Variants in TGFBR1 observed in about 807,000 individuals in gnomAD.
The protein encoded by TGFBR1 is transforming growth factor beta receptor 1, also known as TGF-beta receptor type-1.
TGFBR1 carries 20 observed loss-of-function variants against 55.1 expected under a neutral mutation model. The ratio of observed to expected loss-of-function variants is 0.36; its 90% CI spans 0.26 to 0.53. The LOEUF (loss-of-function observed/expected upper bound fraction) is 0.53. Ranked by LOEUF, TGFBR1 falls within the 20% of genes least tolerant of loss-of-function variation. TGFBR1 has a pLI of 0.91. For missense variants in TGFBR1, 385 were observed against 617.6 expected, an observed-to-expected ratio of 0.62 and a Z score of 3.99; for synonymous variants, 220 against 214.8, an observed-to-expected ratio of 1.02 and a Z score of -0.21.
intron 6 of TGFBR1, among the ~76,000 whole-genome samples, chr9:99,146,232 T>C (rs1022308095): frequency 6.6e-6 from 1 of 152,202 alleles, no homozygotes. Flanking sequence ...ACAATTGTTA[T>C]GTATGTCTTT....
Position 99,149,280 on chromosome 9 carries a change from G to A in TGFBR1, c.1487G>A (p.Ser496Asn), listed in dbSNP as rs764733540. ...LRIKKTLSQL[S>N]QQEGIKM is the part of the protein sequence containing the mutation. ...ATTAAGAAAACATTATCGCAACTCAGTCAACAGGAAGGCATCAAAATGTAA... is the reference window on the plus strand; with the variant it reads ...ATTAAGAAAACATTATCGCAACTCAATCAACAGGAAGGCATCAAAATGTAA... Residue 496 changes from serine to asparagine, a missense_variant, in exon 9 of 9, where the codon AGT becomes AAT. Physicochemically the swap from Ser to Asn is conservative, Grantham distance 46 (BLOSUM62 1). This residue lies in a region of TGFBR1 where 110 missense variants were observed against 154.6 expected (regional missense o/e 0.71). Transcript: ENST00000374994. 6.2e-7 allele frequency: 1 copy of A among 1,613,746 alleles called. No homozygotes were observed. The highest frequency in any genetic ancestry group is 1.3e-5 in the African/African-American group (1 of 74,890).
At chr9:99,134,829 TA>T (rs1827378191) in intron 3 of TGFBR1, among the ~76,000 whole-genome samples, 1 of 112,548 alleles carries the variant, frequency 8.9e-6, no homozygotes, top group Non-Finnish European at 1.9e-5. Context: ...TATATATATA[TA>T]TATATATATA....
chr9:99,147,573 AG>A, intron 7 of TGFBR1, 80 bp from the exon 8 acceptor site: 1 of 1,295,492 alleles, frequency 7.7e-7, no homozygotes, highest in Non-Finnish European at 1.1e-6. Flanking sequence ...ACACTGTAAT[AG>A]GTCTCTCAGG....
chr9:99,148,597 C>T (rs1294747596), intron 8 of TGFBR1, among the ~76,000 whole-genome samples: 1 of 152,136 alleles, frequency 6.6e-6, no homozygotes, highest in Non-Finnish European at 1.5e-5. Context: ...TTGCTACCTC[C>T]AACAAAATCA....
intron 1 of TGFBR1, among the ~76,000 whole-genome samples, chr9:99,126,184 A>G (rs1827035458): frequency 6.6e-6 from 1 of 152,230 alleles, no homozygotes; most frequent in Non-Finnish European, 1.5e-5. Flanking sequence ...CATGAAAGAC[A>G]TTATTATTAT....
Position 99,149,351 on chromosome 9 carries a change from C to T in TGFBR1, c.*46C>T, listed in dbSNP as rs192327847. Reference sequence around the variant, plus strand: ...TCTCCTTTTTTCTTCAGATCTGCTCCTGGGTTTTAATTTGGGAGGTCAATT... The same window carrying T: ...TCTCCTTTTTTCTTCAGATCTGCTCTTGGGTTTTAATTTGGGAGGTCAATT... On this transcript the variant is annotated 3_prime_UTR_variant, in exon 9 of 9. Coordinates refer to ENST00000374994, the MANE Select transcript of TGFBR1 (RefSeq NM_004612.4). 3.1e-5 allele frequency: 50 copies of T among 1,611,602 alleles called. No homozygotes were observed. In the East Asian group the frequency reaches 1.1e-3, roughly 36 times the overall value.
At position 99,128,885 on chromosome 9, in the gene TGFBR1, A is replaced by G; in HGVS notation, c.128A>G (p.Lys43Arg). 1 of 1,613,936 alleles carries G rather than the reference A, an allele frequency of 6.2e-7. No individual in the cohort carries two copies. Among genetic ancestry groups the G allele is most frequent in the Non-Finnish European group, 8.5e-7 (1 of 1,179,930 alleles). ...CAGTGTTTCTGCCACCTCTGTACAA[A>G]AGACAATTTTACTTGTGTGACAGAT... ...ALQCFCHLCT[K>R]DNFTCVTDGL... The change falls in exon 2 of 9, where the codon AAA (lysine) becomes AGA (arginine). Residue 43 changes from lysine (K) to arginine (R), a missense_variant. Lys to Arg is a conservative substitution (Grantham distance 26, BLOSUM62 2). Transcript: ENST00000374994.
chr9:99,146,368 T>C (rs1827795662), intron 6 of TGFBR1, 117 bp from the exon 7 acceptor site: 2 of 1,213,738 alleles, frequency 1.6e-6, no homozygotes, highest in African/African-American at 3.0e-5. Context: ...AGTCTAATAT[T>C]TGTTATGTAA....
rs1827986989 is a variant in TGFBR1, at chr9:99,151,912, C to T, written c.*2607C>T. The stretch of plus-strand genomic sequence containing the variant: ...ATACTGCCCATCCTAGGATGCTCAC[C>T]TTCCAAGATTCAACGTGGCTAAAAC... On this transcript the variant is annotated 3_prime_UTR_variant, in exon 9 of 9. Transcript: ENST00000374994. 4.9e-6 allele frequency: 1 copy of T among 203,348 alleles called. No individual in the cohort carries two copies. Among genetic ancestry groups the T allele is most frequent in the East Asian group, 7.5e-5 (1 of 13,272 alleles). 12.6% of individuals were successfully genotyped at this position (203,348 alleles called of 1,614,324 possible). A position where few individuals can be genotyped will look rare whatever the true frequency, so the allele number is the denominator to read the frequency against.
At chr9:99,124,534 A>G (rs10988716) in intron 1 of TGFBR1, among the ~76,000 whole-genome samples, 35,887 of 151,938 alleles carry the variant, frequency 0.24, 4,511 homozygotes, top group East Asian at 0.43. Context: ...TGGGGGGGGC[A>G]GTATCCAGGG....
chr9:99,148,831 CAAA>C (rs71899356), intron 8 of TGFBR1, among the ~76,000 whole-genome samples: 7 of 99,622 alleles, frequency 7.0e-5, no homozygotes, highest in Admixed American at 2.0e-4. Flanking sequence ...GACCCTGTCT[CAAA>C]AAAAAAAAAA....
At chr9:99,124,280 T>C (rs1026896829) in intron 1 of TGFBR1, among the ~76,000 whole-genome samples, 9 of 152,168 alleles carry the variant, frequency 5.9e-5, no homozygotes, top group Non-Finnish European at 1.2e-4. Context: ...CCTAGTGAAC[T>C]ACTCAAGTGC....
At chr9:99,126,295 C>T (rs1827040940) in intron 1 of TGFBR1, among the ~76,000 whole-genome samples, 1 of 152,154 alleles carries the variant, frequency 6.6e-6, no homozygotes, top group African/African-American at 2.4e-5. Flanking sequence ...TAGCCCTTAT[C>T]TCATCAGCAT....
intron 1 of TGFBR1, among the ~76,000 whole-genome samples, chr9:99,120,194 G>T (rs1004798541): frequency 5.9e-5 from 9 of 152,160 alleles, no homozygotes; most frequent in African/African-American, 1.2e-4. Flanking sequence ...CTCAGTGCCT[G>T]ACTGGCAAAG....
chr9:99,137,747 A>G (rs765015395), intron 3 of TGFBR1, 112 bp from the exon 4 acceptor site: 14 of 806,346 alleles, frequency 1.7e-5, no homozygotes, highest in Admixed American at 8.1e-5. Flanking sequence ...ATAAATTCCT[A>G]AAGGGATAGC....
chr9:99,143,215 CTG>C (rs990734889), intron 5 of TGFBR1, among the ~76,000 whole-genome samples: 18 of 152,154 alleles, frequency 1.2e-4, no homozygotes, highest in South Asian at 2.1e-4. Flanking sequence ...TGTAACAAAA[CTG>C]TGATTTTTTT....
intron 1 of TGFBR1, among the ~76,000 whole-genome samples, chr9:99,112,774 C>G (rs1826623233): frequency 6.6e-6 from 1 of 152,076 alleles, no homozygotes; most frequent in Non-Finnish European, 1.5e-5. Flanking sequence ...GAGACGAATT[C>G]TGGTTTAAGC....
chr9:99,134,653 A>G (rs111409708), intron 3 of TGFBR1, among the ~76,000 whole-genome samples: 1,795 of 151,692 alleles, frequency 0.012, 37 homozygotes, highest in African/African-American at 0.041. Flanking sequence ...GGAAAGACAC[A>G]GCACTCATGC....
Position 99,138,002 on chromosome 9 carries a change from C to T in TGFBR1, c.718C>T (p.Arg240Cys), listed in dbSNP as rs775429965. The T allele has an allele frequency of 1.9e-6, 3 of 1,613,864 alleles. No individual in the cohort carries two copies. The highest frequency in any genetic ancestry group is 1.3e-5 in the African/African-American group (1 of 74,884). The change falls in exon 4 of 9, where the codon CGT becomes TGT. Residue 240 changes from arginine (R) to cysteine (C), a missense_variant. By Grantham distance (180) the Arg-to-Cys change is radical (BLOSUM62 -3). Coordinates refer to ENST00000374994, the MANE Select transcript of TGFBR1 (RefSeq NM_004612.4). ...TAAGATATTCTCCTCTAGAGAAGAA[C>T]GTTCGTGGTTCCGTGAGGCAGAGAT... ...AVKIFSSREE[R>C]SWFREAEIYQ...
Sources: gnomAD v4.1 joint callset for allele counts (sites outside exome capture counted in the v4.1 genomes callset) on GRCh38, gnomAD v4.1.1 for gene constraint, gnomAD v4.1.1 regional missense constraint, MANE v1.5 for transcripts, NCBI Gene and HGNC (gene_info 2026-07-23, HGNC 2026-07-21) for gene names.